The following CCDC15 variants were observed in gnomAD, a reference collection of about 807,000 sequenced individuals.
The protein encoded by CCDC15 is coiled-coil domain-containing protein 15.
CCDC15 carries 105 observed loss-of-function variants against 114.5 expected under a neutral mutation model. The observed-to-expected ratio is 0.92, with a 90% CI of 0.78 to 1.08. The LOEUF is 1.08. Among genes scored for constraint, CCDC15 ranks in the 50% least tolerant of loss-of-function variants. The pLI, the probability that CCDC15 is intolerant of heterozygous loss-of-function variation, is 0.00. For missense variants in CCDC15, 1,105 were observed against 1,093.6 expected (o/e 1.01, Z -0.15); for synonymous variants, 334 against 377.8 (o/e 0.88, Z 1.34).
In CCDC15 at chr11:125,040,853, T is replaced by C; in HGVS notation, c.*142T>C. On this transcript the variant is annotated 3_prime_UTR_variant, in exon 16 of 16. Transcript: ENST00000344762. ...TCATATAATAATTAGATTGTAATCA[T>C]TGTTTTAATCTCTGTCTGGGAACCA... The C allele has an allele frequency of 3.9e-6, 3 of 770,646 alleles. No individual in the cohort carries two copies. The highest frequency in any genetic ancestry group is 6.0e-6 in the Non-Finnish European group (3 of 496,208). The allele number at this position is 770,646 out of a possible 1,614,324, so 47.7% of individuals were successfully genotyped here.
At chr11:124,978,928 T>C (rs1241301940) in intron 6 of CCDC15, among the ~76,000 whole-genome samples, 1 of 152,172 alleles carries the variant, frequency 6.6e-6, no homozygotes, top group Non-Finnish European at 1.5e-5. Flanking sequence ...TTTATGCTTT[T>C]AGGTTTTACA....
rs888701639 is a variant in CCDC15 at position 125,003,928 on chromosome 11, C to T, written c.2276C>T (p.Ser759Phe). Reference sequence around the variant, plus strand: ...TTCCAAGCTCCACTGGCATTTCAGTCTGACGTGGATAAAGAAGAAGATAAG... The same window carrying T: ...TTCCAAGCTCCACTGGCATTTCAGTTTGACGTGGATAAAGAAGAAGATAAG... ...TEFQAPLAFQ[S>F]DVDKEEDKKE... Residue 759 changes from serine to phenylalanine, a missense_variant, in exon 12 of 16, where the codon TCT becomes TTT. Coordinates refer to ENST00000344762, the MANE Select transcript of CCDC15 (RefSeq NM_025004.3). 3.2e-6 allele frequency: 5 copies of T among 1,558,030 alleles called. No individual in the cohort carries two copies. In the African/African-American group the frequency reaches 4.2e-5, roughly 13 times the overall value.
intron 11 of CCDC15, among the ~76,000 whole-genome samples, chr11:124,998,122 C>A (rs1337903911): frequency 6.6e-6 from 1 of 152,128 alleles, no homozygotes; most frequent in African/African-American, 2.4e-5. Flanking sequence ...CTGAGATTTG[C>A]AAGCAAAGTG....
At chr11:125,013,029 A>T (rs987256256) in intron 13 of CCDC15, among the ~76,000 whole-genome samples, 1 of 152,206 alleles carries the variant, frequency 6.6e-6, no homozygotes, top group Non-Finnish European at 1.5e-5. Flanking sequence ...GGAGAAATGT[A>T]TGTAAAGTAC....
chr11:125,032,066 T>C (rs979433863), intron 13 of CCDC15, among the ~76,000 whole-genome samples: 6 of 152,192 alleles, frequency 3.9e-5, no homozygotes, highest in East Asian at 1.9e-4. Context: ...AGATTTTTTT[T>C]CCCATCCTCT....
At chr11:125,037,301 AT>A (rs1159359625) in intron 13 of CCDC15, among the ~76,000 whole-genome samples, 1 of 152,222 alleles carries the variant, frequency 6.6e-6, no homozygotes, top group Non-Finnish European at 1.5e-5. Context: ...GTTCTGTGAA[AT>A]ACAAGTTTTT....
At position 125,040,570 on chromosome 11, in the gene CCDC15, G is replaced by C; in HGVS notation, c.2735-20G>C. 3 of 1,591,976 alleles carry C rather than the reference G, an allele frequency of 1.9e-6. No homozygotes were observed. The highest frequency in any genetic ancestry group is 1.1e-5 in the South Asian group (1 of 87,670). Reference sequence around the variant, plus strand: ...TTAGAATTTGACTTTATTCATTGCTGTGCAAACCTTTTTTTGCAGCATATA... The same window carrying C: ...TTAGAATTTGACTTTATTCATTGCTCTGCAAACCTTTTTTTGCAGCATATA... On this transcript the variant is annotated intron_variant, in intron 15 of 15. Coordinates refer to ENST00000344762, the MANE Select transcript of CCDC15 (RefSeq NM_025004.3).
chr11:124,967,459 C>T (rs1406834315), intron 4 of CCDC15, among the ~76,000 whole-genome samples: 4 of 152,158 alleles, frequency 2.6e-5, no homozygotes, highest in Admixed American at 6.5e-5. Context: ...ACGTAGTTCT[C>T]GTGCATGGTT....
At chr11:124,981,038 C>T (rs1462712782) in intron 6 of CCDC15, among the ~76,000 whole-genome samples, 1 of 152,132 alleles carries the variant, frequency 6.6e-6, no homozygotes, top group Non-Finnish European at 1.5e-5. Context: ...CATTCAGGAG[C>T]AGGTTGTTTA....
chr11:125,036,410 T>C (rs1172667319), intron 13 of CCDC15, among the ~76,000 whole-genome samples: 1 of 92,440 alleles, frequency 1.1e-5, no homozygotes, highest in Non-Finnish European at 2.1e-5. Context: ...CTTTCTTTAT[T>C]ATTGACCTTT....
intron 9 of CCDC15, among the ~76,000 whole-genome samples, chr11:124,991,813 A>G (rs1948274190): frequency 6.6e-6 from 1 of 152,144 alleles, no homozygotes. Flanking sequence ...CCTCCCGAGT[A>G]GCTGGGATTA....
At chr11:124,964,054 ATAGTTTGAAGTCAG>A (rs1947722081) in intron 4 of CCDC15, among the ~76,000 whole-genome samples, 1 of 152,186 alleles carries the variant, frequency 6.6e-6, no homozygotes, top group Non-Finnish European at 1.5e-5. Flanking sequence ...ACCTTGTAAT[ATAGTTTGAAGTCAG>A]GTAGCGTGAT....
At chr11:125,025,045 A>AATATATATGAATATATATATGAAT (rs56147488) in intron 13 of CCDC15, among the ~76,000 whole-genome samples, 11 of 103,160 alleles carry the variant, frequency 1.1e-4, no homozygotes, top group South Asian at 3.1e-4. Flanking sequence ...AATACATATG[A>AATATATATGAATATATATATGAAT]ATATATATGA....
Position 125,003,880 on chromosome 11 carries a change from A to G in CCDC15, c.2228A>G (p.Tyr743Cys), listed in dbSNP as rs1394289449. 1 of 1,559,294 alleles carries G rather than the reference A, an allele frequency of 6.4e-7. No homozygotes were observed. Among genetic ancestry groups the G allele is most frequent in the Non-Finnish European group, 8.6e-7 (1 of 1,157,566 alleles). ...TPGVPLAYDR[Y>C]QSGLSTEFQA... ...CCTTCTTAACAGGCTTATGATAGGT[A>G]TCAATCAGGATTGAGCACTGAATTC... Residue 743 changes from tyrosine to cysteine, a missense_variant, in exon 12 of 16, where the codon TAT becomes TGT. Coordinates refer to ENST00000344762, the MANE Select transcript of CCDC15 (RefSeq NM_025004.3).
Position 124,986,754 on chromosome 11 carries a change from G to A in CCDC15, c.766G>A (p.Glu256Lys), listed in dbSNP as rs1195396105. 1 of 1,536,918 alleles carries A rather than the reference G, an allele frequency of 6.5e-7. No individual in the cohort carries two copies. The highest frequency in any genetic ancestry group is 8.8e-7 in the Non-Finnish European group (1 of 1,141,564). The change falls in exon 7 of 16, where the codon GAG (glutamate) becomes AAG (lysine). Residue 256 changes from glutamate to lysine, a missense_variant. Coordinates refer to ENST00000344762, the MANE Select transcript of CCDC15 (RefSeq NM_025004.3). Reference sequence around the variant, plus strand: ...TTTTTTTCTTTAGGAACTTGACTATGAGGAACCTGACTATGAGGAATCTTC... The same window carrying A: ...TTTTTTTCTTTAGGAACTTGACTATAAGGAACCTGACTATGAGGAATCTTC... ...NYMENQELDY[E>K]EPDYEESSSL...
intron 15 of CCDC15, 112 bp from the exon 16 acceptor site, chr11:125,040,465 AATATTTATTCAAT>A: frequency 1.2e-6 from 1 of 843,852 alleles, no homozygotes; most frequent in Non-Finnish European, 1.8e-6. Flanking sequence ...GTACTGAATA[AATATTTATTCAAT>A]AGATAGTTAC....
Position 124,967,547 on chromosome 11 carries a change from G to A in CCDC15, c.516+7544G>A, listed in dbSNP as rs1458965956. On this transcript the variant is annotated intron_variant, in intron 4 of 15. Transcript: ENST00000344762. The stretch of plus-strand genomic sequence containing the variant: ...GCCATTCGTCTAATCTTTTTTCAAG[G>A]GTTTTAGCTTCCTTGCGATGGGTTC... Among the ~76,000 whole-genome samples, 11 of 152,138 alleles carry A rather than the reference G, an allele frequency of 7.2e-5. No homozygotes were observed. In the East Asian group the frequency reaches 2.1e-3, roughly 29 times the overall value.
intron 13 of CCDC15, among the ~76,000 whole-genome samples, chr11:125,025,582 A>G (rs578016381): frequency 1.5e-4 from 23 of 151,758 alleles, no homozygotes; most frequent in Admixed American, 3.9e-4. Flanking sequence ...CTTAAAAACT[A>G]TATTTTCAGT....
At position 125,003,086 on chromosome 11, in the gene CCDC15, G is replaced by A. The variant is rs1406062566; in HGVS notation, c.2215-781G>A. The stretch of plus-strand genomic sequence containing the variant: ...ATTTTTTTAAAACAATGTTTTGTAT[G>A]TTTCAGAGTATAAAATTCACACTTC... On this transcript the variant is annotated intron_variant, in intron 11 of 15. Transcript: ENST00000344762. Among the ~76,000 whole-genome samples the A allele has an allele frequency of 2.6e-5, 4 of 151,720 alleles. No individual in the cohort carries two copies. The East Asian group carries it at 7.7e-4, about 29-fold the overall frequency.
Sources: allele counts gnomAD v4.1 joint callset (sites outside exome capture counted in the v4.1 genomes callset), GRCh38; gene constraint gnomAD v4.1.1; transcripts MANE v1.5; gene names NCBI Gene and HGNC (gene_info 2026-07-23, HGNC 2026-07-21).